The following ZDHHC11B variants were observed in gnomAD, a reference collection of about 807,000 sequenced individuals.
The protein encoded by ZDHHC11B is zDHHC palmitoyltransferase 11B (putative).
Under a neutral mutation model 42.3 loss-of-function variants are expected in ZDHHC11B, and 17 were observed. The ratio of observed to expected loss-of-function variants is 0.40; its 90% confidence interval spans 0.27 to 0.60. The LOEUF is 0.60. Ranked by LOEUF, ZDHHC11B falls within the 20% of genes least tolerant of loss-of-function variation. The pLI is 0.41. For missense variants in ZDHHC11B, 262 were observed against 463.2 expected, an observed-to-expected ratio of 0.57 and a Z score of 3.99; for synonymous variants, 123 against 193.5, an observed-to-expected ratio of 0.64 and a Z score of 3.02.
At chr5:765,685 A>G (rs1450895680) in intron 4 of ZDHHC11B, among the ~76,000 whole-genome samples, 1 of 151,884 alleles carries the variant, frequency 6.6e-6, no homozygotes. Flanking sequence ...TTGGCTCCGC[A>G]CTGCCTTTAT....
intron 8 of ZDHHC11B, chr5:748,059 G>T (rs1745066438): frequency 4.2e-6 from 2 of 475,340 alleles, no homozygotes; most frequent in Non-Finnish European, 3.6e-6. Flanking sequence ...ATTTCATAAT[G>T]TCCTGTTCTT....
intron 4 of ZDHHC11B, among the ~76,000 whole-genome samples, chr5:766,393 G>A (rs1735377641): frequency 6.6e-6 from 1 of 151,918 alleles, no homozygotes; most frequent in Non-Finnish European, 1.5e-5. Context: ...CGGCTGCCCT[G>A]TCCAACCTGA....
rs576913564 is a variant in ZDHHC11B at position 766,667 on chromosome 5, C to T, written c.222+31G>A. 1.2e-4 allele frequency: 186 copies of T among 1,579,108 alleles called. 1 individual carries two copies. The highest frequency in any genetic ancestry group is 2.6e-4 in the African/African-American group (19 of 74,416). ...CGCAGGGTCCTCCAGGAACCCCTCC[C>T]GCTTAGACCATGCCACGATGAAAAG... On this transcript the variant is annotated intron_variant, in intron 4 of 13. Transcript: ENST00000508859.
intron 9 of ZDHHC11B, among the ~76,000 whole-genome samples, chr5:743,984 C>T (rs1441098419): frequency 6.7e-6 from 1 of 149,860 alleles, no homozygotes; most frequent in Non-Finnish European, 1.5e-5. Context: ...ATGTCAGGTA[C>T]ACAGGGTGCT....
At chr5:776,192 C>G (rs1736464747) in intron 1 of ZDHHC11B, among the ~76,000 whole-genome samples, 1 of 151,424 alleles carries the variant, frequency 6.6e-6, no homozygotes, top group African/African-American at 2.4e-5. Flanking sequence ...TTAGGAAACC[C>G]TAGGGCCAGA....
At chr5:733,933 C>T (rs1269593154) in intron 10 of ZDHHC11B, 94 bp from the exon 11 acceptor site, 14 of 1,105,656 alleles carry the variant, frequency 1.3e-5, no homozygotes, top group Non-Finnish European at 9.3e-6. Context: ...GTCAGCACCA[C>T]TGCTGTGGGG....
chr5:758,888 G>C (rs975439290), intron 4 of ZDHHC11B, among the ~76,000 whole-genome samples: 1 of 151,890 alleles, frequency 6.6e-6, no homozygotes. Flanking sequence ...GAACGATGCT[G>C]GTGACCTTAA....
chr5:751,465 A>G (rs190139628), intron 6 of ZDHHC11B, among the ~76,000 whole-genome samples: 4,422 of 21,080 alleles, frequency 0.21, 186 homozygotes, highest in East Asian at 0.39. Context: ...AGGGCATCTG[A>G]GGCAGGGGCG....
intron 1 of ZDHHC11B, among the ~76,000 whole-genome samples, chr5:773,328 A>G (rs1281275019): frequency 4.0e-5 from 6 of 151,756 alleles, no homozygotes; most frequent in Admixed American, 6.6e-5. Context: ...CCCTCACACC[A>G]TTTCCCCCAG....
intron 1 of ZDHHC11B, among the ~76,000 whole-genome samples, chr5:778,655 A>G (rs1460480699): frequency 6.6e-6 from 1 of 152,150 alleles, no homozygotes; most frequent in Admixed American, 6.5e-5. Context: ...TGGTGGCCCC[A>G]TCTAATCCCC....
In ZDHHC11B at chr5:742,459, T is replaced by C. The variant is rs193120189; in HGVS notation, c.901-831A>G. ...GCACAGGAATGAACACCTGGCTTTA[T>C]TGTGCTTTGCTTTACTGCACTTCAC... On this transcript the variant is annotated intron_variant, in intron 9 of 13. Transcript: ENST00000508859. Among the ~76,000 whole-genome samples the C allele has an allele frequency of 2.4e-3, 208 of 87,608 alleles. 1 individual carries two copies. Among genetic ancestry groups the C allele is most frequent in the African/African-American group, 7.4e-3 (199 of 27,018 alleles). 57.5% of individuals were successfully genotyped at this position (87,608 alleles called of 152,430 possible).
chr5:766,673 G>T, intron 4 of ZDHHC11B, 25 bp downstream of exon 4: 1 of 1,588,886 alleles, frequency 6.3e-7, no homozygotes, highest in South Asian at 1.1e-5. Context: ...CTCCCGCTTA[G>T]ACCATGCCAC....
At position 710,521 on chromosome 5, in the gene ZDHHC11B, A is replaced by T. The variant is rs1422902198; in HGVS notation, c.*1769T>A. 6.5e-6 allele frequency: 1 copy of T among 154,448 alleles called. No individual in the cohort carries two copies. Among genetic ancestry groups the T allele is most frequent in the African/African-American group, 2.4e-5 (1 of 41,130 alleles). The allele number at this position is 154,448 out of a possible 1,614,324, so 9.6% of individuals were successfully genotyped here. On this transcript the variant is annotated 3_prime_UTR_variant, in exon 14 of 14. Transcript: ENST00000508859. Reference sequence around the variant, plus strand: ...TAAGAAGTCTGGGCTAGACTGAAAAACTCAGAATCCAGGTCTGGGGTTTCT... The same window carrying T: ...TAAGAAGTCTGGGCTAGACTGAAAATCTCAGAATCCAGGTCTGGGGTTTCT...
At chr5:772,874 A>C (rs1299727778) in intron 1 of ZDHHC11B, among the ~76,000 whole-genome samples, 2 of 151,860 alleles carry the variant, frequency 1.3e-5, no homozygotes. Context: ...TCACTGTTCT[A>C]GGTTCTTGTA....
chr5:760,766 G>A (rs1011850936), intron 4 of ZDHHC11B, among the ~76,000 whole-genome samples: 1 of 151,798 alleles, frequency 6.6e-6, no homozygotes, highest in Non-Finnish European at 1.5e-5. Flanking sequence ...CGATATGCCT[G>A]AGACTCAGAG....
At chr5:743,030 G>C (rs1199830494) in intron 9 of ZDHHC11B, among the ~76,000 whole-genome samples, 1 of 149,732 alleles carries the variant, frequency 6.7e-6, no homozygotes, top group Admixed American at 6.8e-5. Flanking sequence ...AGTGATCCTG[G>C]GTAATCTTTG....
At position 751,463 on chromosome 5, in the gene ZDHHC11B, TG is replaced by T; in HGVS notation, c.504-207del. On this transcript the variant is annotated intron_variant, in intron 6 of 13. Coordinates refer to ENST00000508859, the MANE Select transcript of ZDHHC11B (RefSeq NM_001351303.2). Reference sequence around the variant, plus strand: ...CAGGGGCAGGGACACGCAGGGCATCTGAGGCAGGGGCGGGGGCATGCAGGGC... The same window carrying T: ...CAGGGGCAGGGACACGCAGGGCATCTAGGCAGGGGCGGGGGCATGCAGGGC... Among the ~76,000 whole-genome samples, 36 of 21,092 alleles carry T rather than the reference TG, an allele frequency of 1.7e-3. No homozygotes were observed. In the Admixed American group the frequency reaches 0.02, roughly 12 times the overall value. 13.8% of individuals were successfully genotyped at this position (21,092 alleles called of 152,430 possible).
chr5:767,330 C>A, intron 3 of ZDHHC11B, 62 bp downstream of exon 3: 1 of 1,541,248 alleles, frequency 6.5e-7, no homozygotes, highest in Non-Finnish European at 8.9e-7. Context: ...GGCTCCGGGT[C>A]CCACACCAGG....
chr5:777,860 G>A (rs1423520337), intron 1 of ZDHHC11B, among the ~76,000 whole-genome samples: 1 of 151,824 alleles, frequency 6.6e-6, no homozygotes, highest in African/African-American at 2.4e-5. Flanking sequence ...CATGGGACCC[G>A]GCGGGGGCGG....
Sources: gnomAD v4.1 joint callset for allele counts (sites outside exome capture counted in the v4.1 genomes callset) on GRCh38, gnomAD v4.1.1 for gene constraint, MANE v1.5 for transcripts, NCBI Gene and HGNC (gene_info 2026-07-23, HGNC 2026-07-21) for gene names.